Variants in NDC1 observed in about 807,000 individuals in gnomAD.
NDC1 encodes NDC1 transmembrane nucleoporin.
NDC1 carries 24 observed loss-of-function variants against 89.8 expected under a neutral mutation model. The observed-to-expected ratio is 0.27, with a 90% CI of 0.19 to 0.38. The LOEUF (loss-of-function observed/expected upper bound fraction) is 0.38, where lower values mean the gene tolerates loss of function less well. Ranked by LOEUF, NDC1 falls within the 10% of genes least tolerant of loss-of-function variation. NDC1 has a pLI of 1.00. For synonymous variants in NDC1, 296 were observed against 284.8 expected (o/e 1.04, Z -0.39); for missense variants, 728 against 797.6 (o/e 0.91, Z 1.05).
chr1:53,836,530 T>C (rs1649240333), intron 1 of NDC1, among the ~76,000 whole-genome samples: 1 of 150,370 alleles, frequency 6.7e-6, no homozygotes, highest in Non-Finnish European at 1.5e-5. Context: ...GACAGCTCGC[T>C]CTGTCCCCCA....
chr1:53,815,650 G>A (rs1175870801), intron 6 of NDC1, among the ~76,000 whole-genome samples: 1 of 152,152 alleles, frequency 6.6e-6, no homozygotes, highest in African/African-American at 2.4e-5. Flanking sequence ...TCAGTAAAAA[G>A]GAAGTCAAAC....
intron 16 of NDC1, among the ~76,000 whole-genome samples, chr1:53,785,885 A>G (rs1647290698): frequency 6.6e-6 from 1 of 151,812 alleles, no homozygotes; most frequent in Non-Finnish European, 1.5e-5. Flanking sequence ...GGCCTACTAT[A>G]TACACCAGAT....
chr1:53,830,490 T>C (rs1035668068), intron 3 of NDC1, among the ~76,000 whole-genome samples: 1 of 152,008 alleles, frequency 6.6e-6, no homozygotes, highest in Non-Finnish European at 1.5e-5. Context: ...GGGAAAAGGA[T>C]ACGTATTGTA....
chr1:53,825,122 G>A (rs965757109), intron 5 of NDC1, among the ~76,000 whole-genome samples: 9 of 152,062 alleles, frequency 5.9e-5, no homozygotes, highest in African/African-American at 1.4e-4. Flanking sequence ...GCAGTGAACC[G>A]TGACCACGCC....
chr1:53,773,052 T>C (rs1045808000), intron 16 of NDC1, among the ~76,000 whole-genome samples: 1 of 151,448 alleles, frequency 6.6e-6, no homozygotes, highest in Non-Finnish European at 1.5e-5. Flanking sequence ...CCTACTCTGC[T>C]TATGATGTGA....
intron 3 of NDC1, among the ~76,000 whole-genome samples, chr1:53,829,470 T>TC (rs1648981173): frequency 6.6e-6 from 1 of 152,238 alleles, no homozygotes; most frequent in South Asian, 2.1e-4. Flanking sequence ...AAGGATCATC[T>TC]CCTCAAGTTC....
At chr1:53,818,294 G>A (rs545372143) in intron 6 of NDC1, among the ~76,000 whole-genome samples, 10 of 151,924 alleles carry the variant, frequency 6.6e-5, no homozygotes, top group South Asian at 2.1e-4. Context: ...AAAAATAGCC[G>A]GGTATGGTGG....
intron 14 of NDC1, among the ~76,000 whole-genome samples, chr1:53,792,613 TAAAAACAAA>T (rs1426100693): frequency 2.0e-5 from 3 of 152,196 alleles, no homozygotes; most frequent in Non-Finnish European, 4.4e-5. Context: ...TTTTAAAAGC[TAAAAACAAA>T]AATTCTTTCC....
At chr1:53,808,494 A>C (rs1648190984) in intron 7 of NDC1, among the ~76,000 whole-genome samples, 1 of 152,142 alleles carries the variant, frequency 6.6e-6, no homozygotes, top group Non-Finnish European at 1.5e-5. Context: ...TCCTATTACA[A>C]TTTTTAAAAC....
At chr1:53,771,811 A>G (rs1275108902) in intron 17 of NDC1, among the ~76,000 whole-genome samples, 1 of 152,148 alleles carries the variant, frequency 6.6e-6, no homozygotes, top group Admixed American at 6.5e-5. Context: ...AGTAAACATG[A>G]ATAAAACTAA....
At chr1:53,787,929 C>T (rs755791104) in intron 15 of NDC1, among the ~76,000 whole-genome samples, 1 of 149,828 alleles carries the variant, frequency 6.7e-6, no homozygotes, top group African/African-American at 2.4e-5. Context: ...CAGGAAAGGC[C>T]TCTGAGCAAC....
chr1:53,827,773 T>G (rs528749979), intron 4 of NDC1, among the ~76,000 whole-genome samples: 1 of 152,238 alleles, frequency 6.6e-6, no homozygotes, highest in Non-Finnish European at 1.5e-5. Flanking sequence ...GAGCTTATAG[T>G]CTATGTTTGA....
At chr1:53,829,527 A>T (rs915993676) in intron 3 of NDC1, among the ~76,000 whole-genome samples, 2 of 152,206 alleles carry the variant, frequency 1.3e-5, no homozygotes, top group African/African-American at 4.8e-5. Context: ...CTTACCATCC[A>T]ATGTACTGTA....
At position 53,785,908 on chromosome 1, in the gene NDC1, C is replaced by CATTTATTT. The variant is rs766069432; in HGVS notation, c.1800+1242_1800+1249dup. Among the ~76,000 whole-genome samples the CATTTATTT allele has an allele frequency of 2.5e-3, 377 of 151,244 alleles. 2 individuals are homozygous for CATTTATTT. Among genetic ancestry groups the CATTTATTT allele is most frequent in the African/African-American group, 8.6e-3 (353 of 41,020 alleles). ...ATATACACCAGATGCTATTTTTATT[C>CATTTATTT]ATTTATTTATTTATTTATTTATTTA... On this transcript the variant is annotated intron_variant, in intron 16 of 17. Coordinates refer to ENST00000371429, the MANE Select transcript of NDC1 (RefSeq NM_018087.5).
intron 5 of NDC1, among the ~76,000 whole-genome samples, chr1:53,822,052 G>A (rs923470748): frequency 3.9e-5 from 6 of 152,102 alleles, no homozygotes; most frequent in African/African-American, 1.2e-4. Context: ...GTAACTCACA[G>A]AACAAAGAAT....
intron 14 of NDC1, 31 bp from the exon 15 acceptor site, chr1:53,789,227 A>T (rs1212421240): frequency 6.6e-7 from 1 of 1,505,406 alleles, no homozygotes; most frequent in African/African-American, 1.4e-5. Flanking sequence ...ATTCAAGTGA[A>T]TTCCCCTGAG....
intron 5 of NDC1, among the ~76,000 whole-genome samples, chr1:53,825,460 A>AAAAAAAAAAAAAAAAAAAGAAG (rs1039370528): frequency 7.0e-6 from 1 of 142,116 alleles, no homozygotes; most frequent in Non-Finnish European, 1.6e-5. Flanking sequence ...CTCCAAAAAA[A>AAAAAAAAAAAAAAAAAAAGAAG]AAGAAGCTAC....
At chr1:53,776,091 A>C (rs1396326277) in intron 16 of NDC1, among the ~76,000 whole-genome samples, 1 of 151,586 alleles carries the variant, frequency 6.6e-6, no homozygotes, top group Non-Finnish European at 1.5e-5. Context: ...CGTAGCTAGG[A>C]TTACAGGCAT....
Position 53,797,052 on chromosome 1 carries a change from A to G in NDC1, c.1315T>C (p.Ser439Pro), listed in dbSNP as rs772418834. 50 of 1,614,140 alleles carry G rather than the reference A, an allele frequency of 3.1e-5. No individual in the cohort carries two copies. The highest frequency in any genetic ancestry group is 4.2e-5 in the Non-Finnish European group (49 of 1,180,032). The change falls in exon 12 of 18, where the codon TCT becomes CCT. Residue 439 changes from serine to proline, a missense_variant. Physicochemically the swap from Ser to Pro is moderately conservative, Grantham distance 74. Coordinates refer to ENST00000371429, the MANE Select transcript of NDC1 (RefSeq NM_018087.5). ...VKTSLFSSKLSTPDVVSPFGT... is the reference protein window; with the variant it reads ...VKTSLFSSKLPTPDVVSPFGT... ...AATGGGCTCACAACATCAGGTGTAG[A>G]TAATTTTGAAGAAAACAGTGATGTT...
Sources: gnomAD v4.1 joint callset for allele counts (sites outside exome capture counted in the v4.1 genomes callset) on GRCh38, gnomAD v4.1.1 for gene constraint, MANE v1.5 for transcripts, NCBI Gene and HGNC (gene_info 2026-07-23, HGNC 2026-07-21) for gene names.